The following PARM1 variants were observed in gnomAD, a reference collection of about 807,000 sequenced individuals.
PARM1 encodes WSC4, cell wall integrity and stress response component 4 homolog.
Under a neutral mutation model 24.6 loss-of-function variants are expected in PARM1, and 14 were observed. That is an observed-to-expected ratio of 0.57 (90% confidence interval 0.38 to 0.89). The LOEUF (loss-of-function observed/expected upper bound fraction) is 0.89. PARM1 is among the 40% of genes least tolerant of loss of function. PARM1 has a pLI of 0.00. For missense variants in PARM1, 362 were observed against 380.4 expected (o/e 0.95, Z 0.40); for synonymous variants, 179 against 156.6 (o/e 1.14, Z -1.07).
At chr4:75,038,943 T>TA (rs1373006693) in intron 3 of PARM1, among the ~76,000 whole-genome samples, 1 of 152,230 alleles carries the variant, frequency 6.6e-6, no homozygotes, top group Non-Finnish European at 1.5e-5. Context: ...TTCACAAAAA[T>TA]AAATGCAGTC....
At position 74,973,502 on chromosome 4, in the gene PARM1, G is replaced by A. The variant is rs1037101795; in HGVS notation, c.44-38923G>A. 4.3e-5 allele frequency among the ~76,000 whole-genome samples: 5 copies of A among 115,706 alleles called. No individual in the cohort carries two copies. In the South Asian group the frequency reaches 9.2e-4, roughly 21 times the overall value. 75.9% of individuals were successfully genotyped at this position (115,706 alleles called of 152,430 possible). ...CTCCCCAGTTATATATCACAGTCCA[G>A]GGATAGAGCTAGAGACATTCGTCTT... On this transcript the variant is annotated intron_variant, in intron 1 of 3. Transcript: ENST00000307428.
At chr4:74,975,972 C>T (rs1306990320) in intron 1 of PARM1, among the ~76,000 whole-genome samples, 2 of 152,182 alleles carry the variant, frequency 1.3e-5, no homozygotes, top group East Asian at 3.9e-4. Context: ...GGTGGAGCCA[C>T]AGCCCACCTG....
chr4:74,993,609 T>C (rs924031862), intron 1 of PARM1, among the ~76,000 whole-genome samples: 15 of 152,174 alleles, frequency 9.9e-5, no homozygotes, highest in Non-Finnish European at 2.2e-4. Flanking sequence ...TTTTCCCTTA[T>C]TTTTTACATG....
intron 1 of PARM1, among the ~76,000 whole-genome samples, chr4:74,962,288 T>C (rs1038561092): frequency 6.6e-6 from 1 of 151,440 alleles, no homozygotes; most frequent in Non-Finnish European, 1.5e-5. Context: ...ACAAAGAAAA[T>C]AGTTAAAGAA....
At position 74,970,960 on chromosome 4, in the gene PARM1, G is replaced by A. The variant is rs539804245; in HGVS notation, c.43+37590G>A. 2.0e-5 allele frequency among the ~76,000 whole-genome samples: 3 copies of A among 152,220 alleles called. No individual in the cohort carries two copies. In the East Asian group the frequency reaches 5.8e-4, roughly 29 times the overall value. ...ATAGTTTCCTCACTCCTGGATTTTA[G>A]GTTTCTCATTGGAAATGAAGCTGCA... On this transcript the variant is annotated intron_variant, in intron 1 of 3. Coordinates refer to ENST00000307428, the MANE Select transcript of PARM1 (RefSeq NM_015393.4).
chr4:74,935,005 T>TC (rs1414697399), intron 1 of PARM1, among the ~76,000 whole-genome samples: 1 of 147,220 alleles, frequency 6.8e-6, no homozygotes, highest in Non-Finnish European at 1.5e-5. Flanking sequence ...TCTTTTTTTT[T>TC]TTTTTCTTTT....
chr4:74,976,730 G>C (rs562974399), intron 1 of PARM1, among the ~76,000 whole-genome samples: 1 of 152,342 alleles, frequency 6.6e-6, no homozygotes, highest in Non-Finnish European at 1.5e-5. Context: ...CTGTGACAGG[G>C]TTCCAAGAGG....
In PARM1 at chr4:75,047,680, G is replaced by A. The variant is rs1444714404; in HGVS notation, c.*1433G>A. The A allele has an allele frequency of 6.6e-6, 1 of 152,188 alleles. No individual in the cohort carries two copies. The highest frequency in any genetic ancestry group is 1.9e-4 in the East Asian group (1 of 5,188). The allele number at this position is 152,188 out of a possible 1,614,324, so 9.4% of individuals were successfully genotyped here. A position where few individuals can be genotyped will look rare whatever the true frequency, so the allele number is the denominator to read the frequency against. ...AAGAATCATCCACCCCAAAATATCA[G>A]TAGTGCCGAGATTGAGAAACCCTGA... On this transcript the variant is annotated 3_prime_UTR_variant, in exon 4 of 4. Coordinates refer to ENST00000307428, the MANE Select transcript of PARM1 (RefSeq NM_015393.4).
chr4:74,993,271 A>C (rs1017183267), intron 1 of PARM1, among the ~76,000 whole-genome samples: 1 of 152,314 alleles, frequency 6.6e-6, no homozygotes, highest in Non-Finnish European at 1.5e-5. Context: ...GCCAGTAGCC[A>C]TGAAGAAACT....
intron 1 of PARM1, among the ~76,000 whole-genome samples, chr4:74,942,530 A>G (rs1200993752): frequency 6.6e-6 from 1 of 152,254 alleles, no homozygotes; most frequent in South Asian, 2.1e-4. Flanking sequence ...CTCCATATCA[A>G]TGAATGGAAA....
chr4:75,009,651 ACT>A (rs1560790752), intron 1 of PARM1, among the ~76,000 whole-genome samples: 1 of 152,202 alleles, frequency 6.6e-6, no homozygotes, highest in African/African-American at 2.4e-5. Flanking sequence ...TGTGGCCATA[ACT>A]AAAGTGACAT....
At chr4:74,981,369 GA>G (rs1045470511) in intron 1 of PARM1, among the ~76,000 whole-genome samples, 4 of 149,900 alleles carry the variant, frequency 2.7e-5, no homozygotes, top group Admixed American at 1.3e-4. Context: ...AGAAACATAT[GA>G]AAAAAAAAGC....
rs571230725 is a variant in PARM1, at chr4:74,948,873, T to A, written c.43+15503T>A. ...CTGTTTCTACTAAAAATACAAAAAA[T>A]TAGCCAGGCATGGTGGCAGGTGCCT... On this transcript the variant is annotated intron_variant, in intron 1 of 3. Transcript: ENST00000307428. Among the ~76,000 whole-genome samples, 4 of 152,052 alleles carry A rather than the reference T, an allele frequency of 2.6e-5. No individual in the cohort carries two copies. In the East Asian group the frequency reaches 7.8e-4, roughly 30 times the overall value.
At chr4:75,002,436 T>C (rs2109787756) in intron 1 of PARM1, among the ~76,000 whole-genome samples, 1 of 152,200 alleles carries the variant, frequency 6.6e-6, no homozygotes, top group African/African-American at 2.4e-5. Flanking sequence ...AGACTTTTTA[T>C]CTTTTTAGTC....
chr4:74,940,900 T>C (rs1200496966), intron 1 of PARM1, among the ~76,000 whole-genome samples: 2 of 152,256 alleles, frequency 1.3e-5, no homozygotes, highest in Admixed American at 1.3e-4. Context: ...TCTATTGAGT[T>C]AATGTAATGT....
chr4:74,998,814 C>T (rs1473055692), intron 1 of PARM1, among the ~76,000 whole-genome samples: 2 of 152,196 alleles, frequency 1.3e-5, no homozygotes, highest in African/African-American at 4.8e-5. Flanking sequence ...TCCTACTCCC[C>T]TCGGATTGCC....
chr4:74,951,640 T>C (rs1204638718), intron 1 of PARM1, among the ~76,000 whole-genome samples: 2 of 151,972 alleles, frequency 1.3e-5, no homozygotes, highest in African/African-American at 4.8e-5. Context: ...TCTGTGTCCA[T>C]GTGTTCTTAT....
chr4:74,955,278 G>A (rs1361213698), intron 1 of PARM1, among the ~76,000 whole-genome samples: 1 of 151,922 alleles, frequency 6.6e-6, no homozygotes, highest in African/African-American at 2.4e-5. Context: ...TTGTGGTAAG[G>A]TCACTGATAA....
chr4:75,007,331 C>T lies in PARM1; in HGVS notation c.44-5094C>T, dbSNP rs546780408. On this transcript the variant is annotated intron_variant, in intron 1 of 3. Coordinates refer to ENST00000307428, the MANE Select transcript of PARM1 (RefSeq NM_015393.4). ...GCTGCCCAGTCTCACATGCGCTCCT[C>T]ATTGCATTCTCTGTAGTAGTGGTTG... Among the ~76,000 whole-genome samples, 15 of 152,308 alleles carry T rather than the reference C, an allele frequency of 9.8e-5. No homozygotes were observed. In the East Asian group the frequency reaches 2.5e-3, roughly 25 times the overall value.
Sources: allele counts gnomAD v4.1 joint callset (sites outside exome capture counted in the v4.1 genomes callset), GRCh38; gene constraint gnomAD v4.1.1; transcripts MANE v1.5; gene names NCBI Gene and HGNC (gene_info 2026-07-23, HGNC 2026-07-21).